BMPR2: variants seen among roughly 807,000 people sequenced by gnomAD.
BMPR2 encodes bone morphogenetic protein receptor type-2.
Under a neutral mutation model 100.8 loss-of-function variants are expected in BMPR2, and 29 were observed. The ratio of observed to expected loss-of-function variants is 0.29; its 90% CI spans 0.21 to 0.39. The LOEUF is 0.39. Ranked by LOEUF, BMPR2 falls within the 10% of genes least tolerant of loss-of-function variation. The pLI, the probability that BMPR2 is intolerant of heterozygous loss-of-function variation, is 1.00. For missense variants in BMPR2, 1,011 were observed against 1,274.5 expected (o/e 0.79, Z 3.15); for synonymous variants, 382 against 442.3 (o/e 0.86, Z 1.71).
At chr2:202,514,525 T>A (rs1687680200) in intron 4 of BMPR2, among the ~76,000 whole-genome samples, 1 of 152,212 alleles carries the variant, frequency 6.6e-6, no homozygotes, top group Non-Finnish European at 1.5e-5. Context: ...AAATGTCAAG[T>A]TGGTTCTAAT....
At chr2:202,513,642 C>T in intron 3 of BMPR2, 77 bp from the exon 4 acceptor site, 1 of 1,087,438 alleles carries the variant, frequency 9.2e-7, no homozygotes, top group East Asian at 2.4e-5. Context: ...TACAGCCTTT[C>T]TAAAGGGCAG....
chr2:202,546,811 T>C (rs958791286), intron 10 of BMPR2, among the ~76,000 whole-genome samples: 2 of 152,124 alleles, frequency 1.3e-5, no homozygotes, highest in South Asian at 4.1e-4. Context: ...ACCATATTGG[T>C]CAGGCTGGTC....
intron 1 of BMPR2, among the ~76,000 whole-genome samples, chr2:202,385,681 A>T (rs945926247): frequency 1.3e-5 from 2 of 148,906 alleles, no homozygotes; most frequent in African/African-American, 4.9e-5. Flanking sequence ...AAAAAAAAGC[A>T]TGTATTTTTA....
chr2:202,387,052 A>G (rs1467193650), intron 1 of BMPR2, among the ~76,000 whole-genome samples: 3 of 152,242 alleles, frequency 2.0e-5, no homozygotes, highest in Admixed American at 2.0e-4. Context: ...CATCTCATTC[A>G]GAATAATAGT....
chr2:202,520,802 G>C (rs186398375), intron 7 of BMPR2: 3 of 155,268 alleles, frequency 1.9e-5, no homozygotes, highest in African/African-American at 7.2e-5. Flanking sequence ...GGGGCACTGG[G>C]CTCAGAAGGT....
At chr2:202,459,114 C>T (rs12467506) in intron 1 of BMPR2, among the ~76,000 whole-genome samples, 3 of 152,088 alleles carry the variant, frequency 2.0e-5, no homozygotes, top group South Asian at 2.1e-4. Context: ...CTAAGGTTTT[C>T]GTTTTTTGGA....
intron 1 of BMPR2, among the ~76,000 whole-genome samples, chr2:202,412,297 C>G (rs1691029594): frequency 6.6e-6 from 1 of 152,086 alleles, no homozygotes; most frequent in African/African-American, 2.4e-5. Flanking sequence ...CAAAATCTAT[C>G]AATAAATTTC....
At chr2:202,387,635 G>T (rs962496312) in intron 1 of BMPR2, among the ~76,000 whole-genome samples, 1 of 152,058 alleles carries the variant, frequency 6.6e-6, no homozygotes, top group Non-Finnish European at 1.5e-5. Context: ...AATATCTTAG[G>T]TTTTGTTTTA....
chr2:202,418,595 G>A (rs897123935), intron 1 of BMPR2, among the ~76,000 whole-genome samples: 3 of 152,180 alleles, frequency 2.0e-5, no homozygotes, highest in African/African-American at 7.2e-5. Flanking sequence ...CACATGTAAG[G>A]TGAACATTGT....
intron 1 of BMPR2, among the ~76,000 whole-genome samples, chr2:202,463,972 C>A (rs1692269988): frequency 6.6e-6 from 1 of 151,784 alleles, no homozygotes; most frequent in African/African-American, 2.4e-5. Context: ...CCAGCCTGAC[C>A]AACATGGAGA....
chr2:202,446,175 C>T (rs937708247), intron 1 of BMPR2, among the ~76,000 whole-genome samples: 11 of 150,194 alleles, frequency 7.3e-5, no homozygotes, highest in East Asian at 3.9e-4. Flanking sequence ...CTGAGGTGGG[C>T]GGATCCCCTG....
At chr2:202,388,709 A>C (rs1214380082) in intron 1 of BMPR2, among the ~76,000 whole-genome samples, 1 of 149,496 alleles carries the variant, frequency 6.7e-6, no homozygotes, top group Non-Finnish European at 1.5e-5. Context: ...AATCCCTTGA[A>C]CCTGAGAGGT....
intron 1 of BMPR2, among the ~76,000 whole-genome samples, chr2:202,417,884 A>G (rs1691169966): frequency 6.6e-6 from 1 of 151,450 alleles, no homozygotes; most frequent in Non-Finnish European, 1.5e-5. Flanking sequence ...ACGCCCGGCT[A>G]ATTTTTTGTT....
chr2:202,542,142 C>G (rs1688287526), intron 9 of BMPR2, among the ~76,000 whole-genome samples, 169 bp from the exon 10 acceptor site: 1 of 151,828 alleles, frequency 6.6e-6, no homozygotes, highest in South Asian at 2.1e-4. Flanking sequence ...ATCATTAAAC[C>G]TACAGCAAGG....
At chr2:202,515,914 T>G (rs1204641211) in intron 5 of BMPR2, among the ~76,000 whole-genome samples, 1 of 151,902 alleles carries the variant, frequency 6.6e-6, no homozygotes. Flanking sequence ...AAAATATATT[T>G]AGAAAGAGGT....
At chr2:202,422,295 T>G (rs1479067603) in intron 1 of BMPR2, among the ~76,000 whole-genome samples, 1 of 151,870 alleles carries the variant, frequency 6.6e-6, no homozygotes, top group African/African-American at 2.4e-5. Context: ...TTCAAAGTAC[T>G]CATCATAAAG....
intron 11 of BMPR2, among the ~76,000 whole-genome samples, chr2:202,553,578 A>G (rs1688516705): frequency 6.6e-6 from 1 of 152,130 alleles, no homozygotes; most frequent in Admixed American, 6.5e-5. Context: ...TGTCTAATAC[A>G]TGTTTAAAAC....
intron 1 of BMPR2, 115 bp downstream of exon 1, chr2:202,377,665 T>G: frequency 1.6e-6 from 2 of 1,281,724 alleles, no homozygotes; most frequent in Non-Finnish European, 2.2e-6. Context: ...CCGATCGCGG[T>G]GCAGCGGAGC....
In BMPR2 at chr2:202,417,594, C is replaced by T. The variant is rs537431040; in HGVS notation, c.76+40044C>T. On this transcript the variant is annotated intron_variant, in intron 1 of 12. Transcript: ENST00000374580. Reference sequence around the variant, plus strand: ...CTGGGATTACAGACATGAGCCACTGCGCCCAGCCTTCCATGAAGTATTTTT... The same window carrying T: ...CTGGGATTACAGACATGAGCCACTGTGCCCAGCCTTCCATGAAGTATTTTT... Among the ~76,000 whole-genome samples the T allele has an allele frequency of 4.7e-4, 72 of 151,950 alleles. 1 individual carries two copies. The East Asian group carries it at 5.7e-3, about 12-fold the overall frequency.
Sources: gnomAD v4.1 joint callset for allele counts (sites outside exome capture counted in the v4.1 genomes callset) on GRCh38, gnomAD v4.1.1 for gene constraint, MANE v1.5 for transcripts, NCBI Gene and HGNC (gene_info 2026-07-23, HGNC 2026-07-21) for gene names.